Variants in FOXP1 observed in about 807,000 individuals in gnomAD.
The protein encoded by FOXP1 is forkhead box P1, also known as forkhead box protein P1.
Under a neutral mutation model 98.2 loss-of-function variants are expected in FOXP1, and 15 were observed. The observed-to-expected ratio is 0.15, with a 90% confidence interval of 0.10 to 0.24. The LOEUF is 0.24. FOXP1 is among the 10% of genes least tolerant of loss of function. FOXP1 has a pLI of 1.00. For synonymous variants in FOXP1, 371 were observed against 314.5 expected (o/e 1.18, Z -1.90); for missense variants, 633 against 848.5 (o/e 0.75, Z 3.15).
chr3:71,450,387 T>A (rs1406734088), intron 3 of FOXP1, among the ~76,000 whole-genome samples: 1 of 152,182 alleles, frequency 6.6e-6, no homozygotes, highest in Non-Finnish European at 1.5e-5. Context: ...CTTCATAACT[T>A]CACTGCAGAA....
chr3:71,467,860 A>ATGATGC (rs2088930279), intron 3 of FOXP1, among the ~76,000 whole-genome samples: 1 of 152,206 alleles, frequency 6.6e-6, no homozygotes, highest in Non-Finnish European at 1.5e-5. Context: ...AAATTTCCAG[A>ATGATGC]TGATGCTGAT....
At chr3:71,065,982 A>G (rs928353503) in intron 7 of FOXP1, among the ~76,000 whole-genome samples, 3 of 151,002 alleles carry the variant, frequency 2.0e-5, no homozygotes, top group African/African-American at 7.3e-5. Context: ...CCTGGCCTGT[A>G]TATTTTTTAA....
intron 4 of FOXP1, among the ~76,000 whole-genome samples, chr3:71,321,140 G>GAA (rs11413338): frequency 2.1e-5 from 3 of 143,438 alleles, no homozygotes; most frequent in Non-Finnish European, 3.0e-5. Context: ...AAAAAAAAAG[G>GAA]AAAAAAAACG....
At chr3:70,969,143 C>T (rs752543804) in intron 19 of FOXP1, 7 of 147,812 alleles carry the variant, frequency 4.7e-5, no homozygotes, top group Non-Finnish European at 8.9e-5. Context: ...TTTGCCTTTC[C>T]GGCTCATGAA....
chr3:71,185,430 T>C (rs142980597), intron 6 of FOXP1, among the ~76,000 whole-genome samples: 23 of 152,330 alleles, frequency 1.5e-4, no homozygotes, highest in Admixed American at 9.8e-4. Flanking sequence ...AAATTAGGTA[T>C]TATGGTTTCA....
intron 3 of FOXP1, among the ~76,000 whole-genome samples, chr3:71,489,971 C>T (rs965203664): frequency 6.6e-6 from 1 of 152,108 alleles, no homozygotes; most frequent in African/African-American, 2.4e-5. Context: ...ACACTTCACT[C>T]AGAATTAGAG....
intron 6 of FOXP1, among the ~76,000 whole-genome samples, chr3:71,167,242 C>T (rs1049652122): frequency 4.6e-5 from 7 of 152,128 alleles, no homozygotes; most frequent in African/African-American, 9.7e-5. Context: ...TATACGAAGG[C>T]GGTGATGTCC....
At chr3:71,511,307 C>G (rs530965260) in intron 2 of FOXP1, among the ~76,000 whole-genome samples, 1 of 152,178 alleles carries the variant, frequency 6.6e-6, no homozygotes, top group East Asian at 1.9e-4. Flanking sequence ...AAGTAGGAAC[C>G]AGACCAGACA....
chr3:71,425,514 C>G (rs1307689743), intron 3 of FOXP1, among the ~76,000 whole-genome samples: 1 of 152,134 alleles, frequency 6.6e-6, no homozygotes, highest in African/African-American at 2.4e-5. Flanking sequence ...AGACCAACTT[C>G]TCAGAGCTGG....
chr3:71,233,573 C>G (rs1163210641), intron 5 of FOXP1, among the ~76,000 whole-genome samples: 2 of 150,022 alleles, frequency 1.3e-5, no homozygotes, highest in Admixed American at 1.3e-4. Flanking sequence ...ATTACAAATG[C>G]CCACGACCAT....
chr3:71,139,898 G>A (rs1436695158), intron 6 of FOXP1, among the ~76,000 whole-genome samples: 2 of 152,054 alleles, frequency 1.3e-5, no homozygotes, highest in African/African-American at 4.8e-5. Context: ...GCTAACTGGA[G>A]TTCATAATAA....
intron 6 of FOXP1, among the ~76,000 whole-genome samples, chr3:71,148,872 G>A (rs139755323): frequency 6.6e-6 from 1 of 152,292 alleles, no homozygotes; most frequent in Non-Finnish European, 1.5e-5. Context: ...AAAAGAGAAG[G>A]TGGTATATCT....
At chr3:71,069,011 TCATC>T (rs1165032402) in intron 7 of FOXP1, among the ~76,000 whole-genome samples, 1 of 152,206 alleles carries the variant, frequency 6.6e-6, no homozygotes, top group Admixed American at 6.5e-5. Context: ...AATTAATACA[TCATC>T]CATCTACAGG....
chr3:71,536,887 G>T (rs2044340387), intron 2 of FOXP1, among the ~76,000 whole-genome samples: 1 of 152,080 alleles, frequency 6.6e-6, no homozygotes, highest in Non-Finnish European at 1.5e-5. Context: ...TTCCCCAGTG[G>T]CAACACATGT....
intron 4 of FOXP1, among the ~76,000 whole-genome samples, chr3:71,355,434 T>C (rs1424002567): frequency 6.6e-6 from 1 of 152,130 alleles, no homozygotes; most frequent in Non-Finnish European, 1.5e-5. Context: ...CCCTTTCACG[T>C]AGGTGGTCAG....
chr3:71,466,167 C>A (rs2088712401), intron 3 of FOXP1, among the ~76,000 whole-genome samples: 1 of 152,150 alleles, frequency 6.6e-6, no homozygotes, highest in South Asian at 2.1e-4. Context: ...CCTAAGCCTG[C>A]CCCAGACCTT....
chr3:71,469,799 A>G (rs1230648400), intron 3 of FOXP1, among the ~76,000 whole-genome samples: 1 of 152,174 alleles, frequency 6.6e-6, no homozygotes, highest in Non-Finnish European at 1.5e-5. Flanking sequence ...AACTTTCTCA[A>G]ATATCAGTTC....
chr3:71,065,393 A>G (rs1428988630), intron 7 of FOXP1, among the ~76,000 whole-genome samples: 1 of 152,202 alleles, frequency 6.6e-6, no homozygotes, highest in African/African-American at 2.4e-5. Context: ...GACTGCTCCG[A>G]GCAACTGTTC....
At chr3:71,419,454 T>G (rs1446737401) in intron 3 of FOXP1, among the ~76,000 whole-genome samples, 1 of 149,058 alleles carries the variant, frequency 6.7e-6, no homozygotes, top group Non-Finnish European at 1.5e-5. Flanking sequence ...AAAAAAAAAG[T>G]AGATGTTTAC....
Sources: allele counts gnomAD v4.1 joint callset (sites outside exome capture counted in the v4.1 genomes callset), GRCh38; gene constraint gnomAD v4.1.1; transcripts MANE v1.5; gene names NCBI Gene and HGNC (gene_info 2026-07-23, HGNC 2026-07-21).